HS6ST2: variants seen among roughly 807,000 people sequenced by gnomAD.
HS6ST2 encodes the protein heparan sulfate 6-O-sulfotransferase 2.
A neutral mutation model predicts 33.0 loss-of-function variants in HS6ST2; 17 were observed. The observed-to-expected ratio is 0.52, with a 90% confidence interval of 0.35 to 0.77. The LOEUF is 0.77. HS6ST2 is among the 30% of genes least tolerant of loss of function. HS6ST2 has a pLI of 0.01. For synonymous variants in HS6ST2, 248 were observed against 237.1 expected (o/e 1.05, Z -0.42); for missense variants, 519 against 551.7 (o/e 0.94, Z 0.59).
chrX:132,674,296 G>A (rs751658825), intron 3 of HS6ST2, among the ~76,000 whole-genome samples: 109 of 111,933 alleles, frequency 9.7e-4, no homozygotes, highest in Non-Finnish European at 1.7e-3. Context: ...CATTTATTCA[G>A]GAATCCCAGG....
At chrX:132,933,124 T>C (rs1328749474) in intron 2 of HS6ST2, among the ~76,000 whole-genome samples, 1 of 109,065 alleles carries the variant, frequency 9.2e-6, no homozygotes. Context: ...GCCAGGAGTA[T>C]GGAGACCAGC....
intron 2 of HS6ST2, among the ~76,000 whole-genome samples, chrX:132,887,290 T>C (rs1433038193): frequency 2.7e-5 from 3 of 112,268 alleles, no homozygotes; most frequent in African/African-American, 9.7e-5. Context: ...CTTGTATCTA[T>C]ACTATATAAA....
At chrX:132,741,576 C>A (rs1381506258) in intron 2 of HS6ST2, among the ~76,000 whole-genome samples, 11 of 111,384 alleles carry the variant, frequency 9.9e-5, no homozygotes, top group Non-Finnish European at 1.9e-5. Context: ...GCCACCATGC[C>A]TGGCCAACAG....
At chrX:132,956,728 C>G (rs1182869797) in intron 2 of HS6ST2, 80 bp downstream of exon 2, 11 of 1,065,236 alleles carry the variant, frequency 1.0e-5, no homozygotes, top group Non-Finnish European at 1.2e-5. Context: ...CGCGCTAGGT[C>G]CCCGGCTTGG....
chrX:132,749,374 G>A (rs1053501318), intron 2 of HS6ST2, among the ~76,000 whole-genome samples: 1 of 112,796 alleles, frequency 8.9e-6, no homozygotes, highest in South Asian at 3.6e-4. Context: ...AAGTTGGAAA[G>A]CAGTCCTCCC....
intron 3 of HS6ST2, among the ~76,000 whole-genome samples, chrX:132,674,236 G>A (rs1193220392): frequency 8.9e-6 from 1 of 111,755 alleles, no homozygotes; most frequent in Non-Finnish European, 1.9e-5. Flanking sequence ...TTATTGCTAT[G>A]AAGCCCAGTG....
At chrX:132,738,137 T>C (rs1239048114) in intron 2 of HS6ST2, among the ~76,000 whole-genome samples, 2 of 112,619 alleles carry the variant, frequency 1.8e-5, no homozygotes, top group East Asian at 2.8e-4. Flanking sequence ...TTCTGGCTTG[T>C]TCTTCCTTTC....
At chrX:132,832,318 G>A (rs960313144) in intron 2 of HS6ST2, among the ~76,000 whole-genome samples, 2 of 111,792 alleles carry the variant, frequency 1.8e-5, no homozygotes, top group African/African-American at 3.2e-5. Flanking sequence ...AAGGATAGAC[G>A]TCAATTCTGA....
At chrX:132,902,277 T>A (rs978450600) in intron 2 of HS6ST2, among the ~76,000 whole-genome samples, 1 of 111,323 alleles carries the variant, frequency 9.0e-6, no homozygotes, top group East Asian at 2.8e-4. Flanking sequence ...AGCTTTTGTA[T>A]TTTTTGGTAG....
At chrX:132,645,589 A>C (rs2063634170) in intron 4 of HS6ST2, among the ~76,000 whole-genome samples, 1 of 111,983 alleles carries the variant, frequency 8.9e-6, no homozygotes, top group African/African-American at 3.2e-5. Context: ...AGGTGTTACT[A>C]GAAATGCACG....
intron 2 of HS6ST2, among the ~76,000 whole-genome samples, chrX:132,870,958 C>G (rs1213968119): frequency 9.1e-6 from 1 of 110,388 alleles, no homozygotes; most frequent in African/African-American, 3.3e-5. Flanking sequence ...AAAAAAAAAA[C>G]TATCATCAGA....
chrX:132,861,683 T>A (rs1234743369), intron 2 of HS6ST2, among the ~76,000 whole-genome samples: 2 of 112,346 alleles, frequency 1.8e-5, no homozygotes, highest in African/African-American at 6.5e-5. Context: ...CTATTCCCCA[T>A]AAGCTCAATC....
At chrX:132,652,783 A>G (rs2063704052) in intron 4 of HS6ST2, among the ~76,000 whole-genome samples, 1 of 110,701 alleles carries the variant, frequency 9.0e-6, no homozygotes, top group Non-Finnish European at 1.9e-5. Flanking sequence ...AATGCAACGT[A>G]TATTAGCTTA....
At chrX:132,739,146 C>T (rs768573969) in intron 2 of HS6ST2, among the ~76,000 whole-genome samples, 3 of 111,588 alleles carry the variant, frequency 2.7e-5, no homozygotes, top group African/African-American at 6.5e-5. Flanking sequence ...AATCACTAGA[C>T]GCGCACCAGG....
chrX:132,915,560 A>T (rs1008228944), intron 2 of HS6ST2, among the ~76,000 whole-genome samples: 2 of 111,112 alleles, frequency 1.8e-5, no homozygotes, highest in Non-Finnish European at 3.8e-5. Context: ...CAGTTTTCTC[A>T]TCCATAAAAT....
chrX:132,672,312 G>T (rs1328667050), intron 3 of HS6ST2, among the ~76,000 whole-genome samples: 2 of 108,077 alleles, frequency 1.9e-5, no homozygotes, highest in Non-Finnish European at 3.8e-5. Context: ...TTGGTGGGGG[G>T]GGGTGGGTGC....
intron 2 of HS6ST2, among the ~76,000 whole-genome samples, chrX:132,952,898 G>A (rs901272724): frequency 9.0e-5 from 10 of 111,063 alleles, no homozygotes; most frequent in African/African-American, 3.3e-4. Context: ...TGGTACCCCC[G>A]GCCCAATCAC....
At chrX:132,662,958 C>T (rs2063784390) in intron 4 of HS6ST2, among the ~76,000 whole-genome samples, 1 of 111,989 alleles carries the variant, frequency 8.9e-6, no homozygotes, top group South Asian at 3.7e-4. Context: ...CACTGTCCCC[C>T]ACTGCAATAC....
At chrX:132,907,125 A>G (rs1246610632) in intron 2 of HS6ST2, among the ~76,000 whole-genome samples, 1 of 112,454 alleles carries the variant, frequency 8.9e-6, no homozygotes, top group Non-Finnish European at 1.9e-5. Context: ...CTGCCTACAG[A>G]ACCATAAGCC....
Sources: gnomAD v4.1 joint callset for allele counts (sites outside exome capture counted in the v4.1 genomes callset) on GRCh38, gnomAD v4.1.1 for gene constraint, MANE v1.5 for transcripts, NCBI Gene and HGNC (gene_info 2026-07-23, HGNC 2026-07-21) for gene names.